The following CCDC38 variants were observed in gnomAD, a reference collection of about 807,000 sequenced individuals.
CCDC38 encodes the protein coiled-coil domain containing 38.
A neutral mutation model predicts 72.8 loss-of-function variants in CCDC38; 69 were observed. The observed-to-expected ratio is 0.95, with a 90% CI of 0.78 to 1.16. The LOEUF is 1.16. CCDC38 is among the 50% of genes most tolerant of loss of function. The pLI, the probability that CCDC38 is intolerant of heterozygous loss-of-function variation, is 0.00. For missense variants in CCDC38, 626 were observed against 638.9 expected (o/e 0.98, Z 0.22); for synonymous variants, 201 against 213.2 (o/e 0.94, Z 0.50).
At chr12:95,916,785 T>C (rs573343622) in intron 4 of CCDC38, among the ~76,000 whole-genome samples, 3 of 152,166 alleles carry the variant, frequency 2.0e-5, no homozygotes, top group Non-Finnish European at 4.4e-5. Flanking sequence ...AAGGCTTTTT[T>C]ATCTTTAGAA....
intron 10 of CCDC38, among the ~76,000 whole-genome samples, chr12:95,883,684 C>T (rs2079725831): frequency 6.6e-6 from 1 of 152,208 alleles, no homozygotes; most frequent in South Asian, 2.1e-4. Flanking sequence ...CATTGTATTG[C>T]AATCAACTTG....
intron 7 of CCDC38, among the ~76,000 whole-genome samples, chr12:95,896,111 G>C (rs1165728772): frequency 6.8e-6 from 1 of 146,502 alleles, no homozygotes; most frequent in Non-Finnish European, 1.5e-5. Context: ...GTAAGGAAAA[G>C]AAAGAAACTA....
upstream of CCDC38, chr12:95,943,181 T>C: frequency 3.9e-6 from 2 of 512,054 alleles, no homozygotes; most frequent in Non-Finnish European, 6.7e-6. Flanking sequence ...AAAGAGAGGA[T>C]TCCTCATCAG....
rs533129830 is a variant in CCDC38, at chr12:95,928,883, G to T, written c.37+7590C>A. ...AGGGGTCAGGGACCCACTCGAGGAGGCAGTCTGCCCGTTCTCAGATCTCCA... is the reference window on the plus strand; with the variant it reads ...AGGGGTCAGGGACCCACTCGAGGAGTCAGTCTGCCCGTTCTCAGATCTCCA... On this transcript the variant is annotated intron_variant, in intron 2 of 15. Transcript: ENST00000344280. Among the ~76,000 whole-genome samples the T allele has an allele frequency of 9.2e-5, 14 of 152,346 alleles. No individual in the cohort carries two copies. In the South Asian group the frequency reaches 2.7e-3, roughly 29 times the overall value.
At chr12:95,895,754 G>GA (rs1206572260) in intron 7 of CCDC38, among the ~76,000 whole-genome samples, 13,524 of 36,978 alleles carry the variant, frequency 0.37, 2,963 homozygotes, top group East Asian at 0.67. Flanking sequence ...ACTCTGTCTC[G>GA]AAAAAAAAAA....
chr12:95,922,572 T>C (rs11837722), intron 2 of CCDC38, among the ~76,000 whole-genome samples: 2 of 152,164 alleles, frequency 1.3e-5, no homozygotes, highest in African/African-American at 4.8e-5. Flanking sequence ...GCTGGTCCAA[T>C]TGATAGAGGA....
chr12:95,892,583 CT>C (rs577335624), intron 8 of CCDC38, among the ~76,000 whole-genome samples: 1,792 of 121,142 alleles, frequency 0.015, 6 homozygotes, highest in African/African-American at 0.025. Context: ...GGCTTAAATT[CT>C]TTTTTTTTTT....
At chr12:95,882,855 A>G (rs140412130) in intron 10 of CCDC38, among the ~76,000 whole-genome samples, 2,120 of 152,304 alleles carry the variant, frequency 0.014, 183 homozygotes, top group Admixed American at 0.13. Context: ...TCAACTGGAC[A>G]TCATTACCCA....
intron 2 of CCDC38, among the ~76,000 whole-genome samples, chr12:95,925,862 G>C (rs2080264759): frequency 6.9e-6 from 1 of 145,922 alleles, no homozygotes; most frequent in Admixed American, 7.1e-5. Flanking sequence ...TGCGTATATT[G>C]AACCAGGCTT....
rs550219750 is a variant in CCDC38 at position 95,940,633 on chromosome 12, G to C, written c.-15+1798C>G. On this transcript the variant is annotated intron_variant, in intron 1 of 15. Coordinates refer to ENST00000344280, the MANE Select transcript of CCDC38 (RefSeq NM_182496.3). ...GACAAATACTAGGAAAAGGGGCTGT[G>C]AACTGTGTCCTTGGATGGTGTGGGG... Among the ~76,000 whole-genome samples, 97 of 152,188 alleles carry C rather than the reference G, an allele frequency of 6.4e-4. 1 individual carries two copies. Among genetic ancestry groups the C allele is most frequent in the Middle Eastern group, 3.4e-3 (1 of 294 alleles).
At chr12:95,916,351 A>G (rs545135908) in intron 4 of CCDC38, among the ~76,000 whole-genome samples, 1 of 145,776 alleles carries the variant, frequency 6.9e-6, no homozygotes, top group African/African-American at 2.5e-5. Flanking sequence ...TTTGGGATCC[A>G]GAGAAAATTT....
chr12:95,924,967 G>A (rs2080252750), intron 2 of CCDC38, among the ~76,000 whole-genome samples: 2 of 142,472 alleles, frequency 1.4e-5, no homozygotes, highest in South Asian at 2.4e-4. Flanking sequence ...TTGAAGTCAG[G>A]TAGTGTGATG....
chr12:95,925,489 G>C (rs1427157693), intron 2 of CCDC38, among the ~76,000 whole-genome samples: 1 of 152,170 alleles, frequency 6.6e-6, no homozygotes, highest in Non-Finnish European at 1.5e-5. Flanking sequence ...TCTGCAAACA[G>C]GGACAATTTG....
At chr12:95,880,248 A>G (rs551650441) in intron 11 of CCDC38, among the ~76,000 whole-genome samples, 5 of 152,322 alleles carry the variant, frequency 3.3e-5, no homozygotes, top group Admixed American at 1.3e-4. Flanking sequence ...TTGCACACCC[A>G]TGTTCCTCAT....
chr12:95,867,511 C>T (rs1291288817), intron 15 of CCDC38, among the ~76,000 whole-genome samples: 1 of 152,148 alleles, frequency 6.6e-6, no homozygotes, highest in Admixed American at 6.6e-5. Context: ...TTGAAGGCCA[C>T]CATTTTATTT....
At chr12:95,908,289 G>T (rs1487190351) in intron 4 of CCDC38, among the ~76,000 whole-genome samples, 1 of 151,006 alleles carries the variant, frequency 6.6e-6, no homozygotes, top group Non-Finnish European at 1.5e-5. Context: ...GCGAAACCCC[G>T]TCTCCACCCA....
Position 95,942,494 on chromosome 12 carries a change from T to C in CCDC38, c.-78A>G, listed in dbSNP as rs1422106760. 6.6e-6 allele frequency: 1 copy of C among 152,328 alleles called. No individual in the cohort carries two copies. The highest frequency in any genetic ancestry group is 6.5e-5 in the Admixed American group (1 of 15,298). The allele number at this position is 152,328 out of a possible 1,614,324, so 9.4% of individuals were successfully genotyped here. A position where few individuals can be genotyped will look rare whatever the true frequency, so the allele number is the denominator to read the frequency against. On this transcript the variant is annotated 5_prime_UTR_variant, in exon 1 of 16. Coordinates refer to ENST00000344280, the MANE Select transcript of CCDC38 (RefSeq NM_182496.3). ...GTTCGGGAAGGCGTTGTGGGAAAAGTGGGCGGAGGTGCCAATCGATCCTCC... is the reference window on the plus strand; with the variant it reads ...GTTCGGGAAGGCGTTGTGGGAAAAGCGGGCGGAGGTGCCAATCGATCCTCC...
At chr12:95,870,351 AT>A (rs1286136222) in intron 14 of CCDC38, among the ~76,000 whole-genome samples, 34 of 152,160 alleles carry the variant, frequency 2.2e-4, no homozygotes, top group African/African-American at 6.7e-4. Flanking sequence ...TGTGCAACTT[AT>A]CAAGTACAAG....
chr12:95,886,951 A>G (rs1440892242), intron 10 of CCDC38, among the ~76,000 whole-genome samples: 3 of 152,202 alleles, frequency 2.0e-5, no homozygotes, highest in African/African-American at 7.2e-5. Context: ...TTGAAGGCCA[A>G]GTCATGTGGA....
Sources: allele counts gnomAD v4.1 joint callset (sites outside exome capture counted in the v4.1 genomes callset), GRCh38; gene constraint gnomAD v4.1.1; transcripts MANE v1.5; gene names NCBI Gene and HGNC (gene_info 2026-07-23, HGNC 2026-07-21).